Variants in DCT observed in about 807,000 individuals in gnomAD.
DCT encodes L-dopachrome tautomerase.
Under a neutral mutation model 53.0 loss-of-function variants are expected in DCT, and 47 were observed. That is an observed-to-expected ratio of 0.89 (90% CI 0.70 to 1.13). The LOEUF is 1.13. DCT is among the 50% of genes most tolerant of loss of function. The pLI, the probability that DCT is intolerant of heterozygous loss-of-function variation, is 0.00. For missense variants in DCT, 669 were observed against 637.4 expected (o/e 1.05, Z -0.53); for synonymous variants, 244 against 237.0 (o/e 1.03, Z -0.27).
intron 4 of DCT, among the ~76,000 whole-genome samples, chr13:94,463,672 C>A (rs545864878): frequency 6.6e-6 from 1 of 152,162 alleles, no homozygotes; most frequent in Non-Finnish European, 1.5e-5. Context: ...CTCAAGTGAT[C>A]CCCCTGCCTT....
the DCT span, among the ~76,000 whole-genome samples, chr13:94,512,108 G>C: frequency 6.6e-6 from 1 of 152,048 alleles, no homozygotes; most frequent in Non-Finnish European, 1.5e-5. Context: ...ACTTGCCTTT[G>C]TATCCCTAGT....
rs879439918 is a variant in DCT at position 94,443,757 on chromosome 13, C to T, written c.1180-120G>A. On this transcript the variant is annotated intron_variant, in intron 6 of 7. Transcript: ENST00000377028. ...CTTGACATAGGAACTTCTGTATACC[C>T]ATGTGTGGAATACCCCCTTCTGTGT... 2.3e-4 allele frequency: 172 copies of T among 761,206 alleles called. 1 individual carries two copies. The Admixed American group carries it at 3.7e-3, about 16-fold the overall frequency. 47.2% of individuals were successfully genotyped at this position (761,206 alleles called of 1,614,324 possible). A position where few individuals can be genotyped will look rare whatever the true frequency, so the allele number is the denominator to read the frequency against.
At chr13:94,442,868 T>C (rs971734790) in intron 7 of DCT, among the ~76,000 whole-genome samples, 11 of 152,222 alleles carry the variant, frequency 7.2e-5, no homozygotes. Context: ...ATTTTGATGA[T>C]GTATTATTCA....
the DCT span, among the ~76,000 whole-genome samples, chr13:94,514,125 T>C: frequency 2.0e-5 from 3 of 151,502 alleles, no homozygotes; most frequent in African/African-American, 4.9e-5. Flanking sequence ...TTTCCAGAGA[T>C]GGAAAGCAAA....
intron 6 of DCT, chr13:94,444,324 T>C (rs1225600633): frequency 2.0e-6 from 1 of 488,444 alleles, no homozygotes; most frequent in Non-Finnish European, 4.0e-6. Context: ...TCAATCTGTA[T>C]CAATATTATA....
intron 6 of DCT, among the ~76,000 whole-genome samples, chr13:94,459,614 T>A (rs1039816458): frequency 5.3e-5 from 8 of 152,194 alleles, no homozygotes; most frequent in African/African-American, 1.9e-4. Context: ...AGGCCAGCTC[T>A]TGGATGTCAG....
At chr13:94,469,562 C>A (rs1472003087) in intron 1 of DCT, among the ~76,000 whole-genome samples, 4 of 152,132 alleles carry the variant, frequency 2.6e-5, no homozygotes, top group African/African-American at 9.7e-5. Flanking sequence ...GCCATCCATC[C>A]TCCAGAACTG....
chr13:94,472,521 CATATATATATATATATATATAT>C (rs1555334365), intron 1 of DCT, among the ~76,000 whole-genome samples: 509 of 25,254 alleles, frequency 0.02, 16 homozygotes, highest in African/African-American at 0.061. Flanking sequence ...TACATACATA[CATATATATATATATATATATAT>C]ATATATATAT....
chr13:94,533,040 A>G, the DCT span, among the ~76,000 whole-genome samples: 2 of 151,982 alleles, frequency 1.3e-5, no homozygotes, highest in Non-Finnish European at 1.5e-5. Context: ...CATCTTACCT[A>G]AAATATTTAC....
At chr13:94,476,238 A>T in intron 1 of DCT, among the ~76,000 whole-genome samples, 1 of 106,422 alleles carries the variant, frequency 9.4e-6, no homozygotes. Context: ...CTAAGTTCCT[A>T]TTACTTCTAG....
the DCT span, among the ~76,000 whole-genome samples, chr13:94,494,598 G>C: frequency 6.6e-6 from 1 of 152,070 alleles, no homozygotes; most frequent in Admixed American, 6.5e-5. Context: ...GCCTCCTGCA[G>C]GTCTTCCCTA....
chr13:94,520,853 C>G, the DCT span, among the ~76,000 whole-genome samples: 1 of 152,196 alleles, frequency 6.6e-6, no homozygotes, highest in South Asian at 2.1e-4. Flanking sequence ...AATATAGATT[C>G]TGCTTTTATT....
chr13:94,520,264 C>A, the DCT span, among the ~76,000 whole-genome samples: 31 of 152,142 alleles, frequency 2.0e-4, no homozygotes, highest in Non-Finnish European at 4.0e-4. Context: ...GTCTCTTAGC[C>A]AAAATAGTTC....
chr13:94,539,664 A>G, the DCT span, among the ~76,000 whole-genome samples: 1 of 152,238 alleles, frequency 6.6e-6, no homozygotes, highest in Non-Finnish European at 1.5e-5. Flanking sequence ...GATATAATTT[A>G]TGGATTTAAA....
rs1885216152 is a variant in DCT, at chr13:94,478,116, G to A, written c.295+845C>T. Among the ~76,000 whole-genome samples, 4 of 152,126 alleles carry A rather than the reference G, an allele frequency of 2.6e-5. No homozygotes were observed. In the South Asian group the frequency reaches 8.3e-4, roughly 32 times the overall value. On this transcript the variant is annotated intron_variant, in intron 1 of 7. Coordinates refer to ENST00000377028, the MANE Select transcript of DCT (RefSeq NM_001922.5). ...ATGTCCGGTTCAAGTCCAGAGAAGA[G>A]TGACAAAAAGCCATTGTTATCTAAT...
intron 4 of DCT, among the ~76,000 whole-genome samples, chr13:94,464,851 T>A (rs572509684): frequency 6.6e-6 from 1 of 152,152 alleles, no homozygotes; most frequent in African/African-American, 2.4e-5. Flanking sequence ...GTCTTTAGTA[T>A]GTCACAGATC....
chr13:94,502,418 T>C, the DCT span, among the ~76,000 whole-genome samples: 3 of 152,208 alleles, frequency 2.0e-5, no homozygotes, highest in Non-Finnish European at 4.4e-5. Context: ...GGTATTGCCA[T>C]AGTTCTCGGC....
At position 94,443,433 on chromosome 13, in the gene DCT, T is replaced by TAC; in HGVS notation, c.1381+1_1381+2dup. On this transcript the variant is annotated splice_region_variant and intron_variant, in intron 7 of 7. Transcript: ENST00000377028. ...TCACCCATTTGGAAGTTGTGTTAGT[T>TAC]ACCTGGCAGATCGATGGCATAGCTG... 1 of 1,608,380 alleles carries TAC rather than the reference T, an allele frequency of 6.2e-7. No individual in the cohort carries two copies. The highest frequency in any genetic ancestry group is 8.5e-7 in the Non-Finnish European group (1 of 1,174,810).
chr13:94,489,392 G>A, the DCT span, among the ~76,000 whole-genome samples: 28 of 152,234 alleles, frequency 1.8e-4, no homozygotes, highest in African/African-American at 6.5e-4. Flanking sequence ...CTATGACCCT[G>A]GACAAGTGGT....
Sources: allele counts gnomAD v4.1 joint callset (sites outside exome capture counted in the v4.1 genomes callset), GRCh38; gene constraint gnomAD v4.1.1; transcripts MANE v1.5; gene names NCBI Gene and HGNC (gene_info 2026-07-23, HGNC 2026-07-21).